Variants in DENND1B observed in about 807,000 individuals in gnomAD.
DENND1B encodes DENN domain containing 1B.
Under a neutral mutation model 90.1 loss-of-function variants are expected in DENND1B, and 59 were observed. That is an observed-to-expected ratio of 0.65 (90% confidence interval 0.53 to 0.81). The LOEUF is 0.81. DENND1B is among the 40% of genes least tolerant of loss of function. DENND1B has a pLI of 0.00. For synonymous variants in DENND1B, 337 were observed against 324.6 expected, an observed-to-expected ratio of 1.04 and a Z score of -0.41; for missense variants, 862 against 912.6, an observed-to-expected ratio of 0.94 and a Z score of 0.71.
At chr1:197,562,945 T>C (rs1672300226) in intron 15 of DENND1B, among the ~76,000 whole-genome samples, 1 of 151,886 alleles carries the variant, frequency 6.6e-6, no homozygotes, top group African/African-American at 2.4e-5. Flanking sequence ...AAACGAGCCA[T>C]GACATTCCCC....
At chr1:197,735,035 T>C in intron 2 of DENND1B, 1 of 985,474 alleles carries the variant, frequency 1.0e-6, no homozygotes, top group Non-Finnish European at 1.2e-6. Context: ...CCTACTTCTG[T>C]AGAAAAAGCG....
At chr1:197,739,386 G>A (rs1271030744) in intron 2 of DENND1B, among the ~76,000 whole-genome samples, 1 of 152,112 alleles carries the variant, frequency 6.6e-6, no homozygotes, top group African/African-American at 2.4e-5. Flanking sequence ...ATCATATAAT[G>A]CACCATAAAG....
intron 3 of DENND1B, chr1:197,688,619 A>G (rs953161991): frequency 1.3e-5 from 2 of 152,190 alleles, no homozygotes; most frequent in Admixed American, 6.6e-5. Flanking sequence ...GTCTACATGT[A>G]AAAGAATGAA....
At chr1:197,703,215 G>T (rs953852175) in intron 3 of DENND1B, among the ~76,000 whole-genome samples, 4 of 151,548 alleles carry the variant, frequency 2.6e-5, no homozygotes, top group Admixed American at 2.6e-4. Context: ...TCAAACTCCT[G>T]ACTTCAAGTG....
At chr1:197,753,034 T>C (rs1418733223) in intron 2 of DENND1B, among the ~76,000 whole-genome samples, 1 of 152,060 alleles carries the variant, frequency 6.6e-6, no homozygotes, top group Non-Finnish European at 1.5e-5. Flanking sequence ...CAGTCTATCA[T>C]TGACGGACAT....
chr1:197,743,484 T>C (rs1329777084), intron 2 of DENND1B, among the ~76,000 whole-genome samples: 1 of 152,214 alleles, frequency 6.6e-6, no homozygotes, highest in Admixed American at 6.5e-5. Context: ...ATCTTTTTTT[T>C]GGTGGAGGGT....
chr1:197,594,150 A>C (rs1177439922), intron 14 of DENND1B, among the ~76,000 whole-genome samples: 1 of 152,186 alleles, frequency 6.6e-6, no homozygotes, highest in African/African-American at 2.4e-5. Flanking sequence ...ACAAACAAGC[A>C]GCTGAACTTA....
chr1:197,617,742 A>T lies in DENND1B; in HGVS notation c.690T>A (p.His230Gln). 1.9e-6 allele frequency: 3 copies of T among 1,607,322 alleles called. No individual in the cohort carries two copies. Among genetic ancestry groups the T allele is most frequent in the Non-Finnish European group, 2.6e-6 (3 of 1,175,232 alleles). The change falls in exon 11 of 23, where the codon CAT (histidine) becomes CAA (glutamine). Residue 230 changes from histidine to glutamine, a missense_variant. By Grantham distance (24) the His-to-Gln change is conservative. Coordinates refer to ENST00000620048, the MANE Select transcript of DENND1B (RefSeq NM_001195215.2). The part of the protein sequence containing the change: ...SKLSTLTACI[H>Q]GSAALLYPMY... ...TTGGGTATAGAAGAGCAGCTGATCC[A>T]TGGATACAGGCAGTTAACTGAAATT...
intron 14 of DENND1B, among the ~76,000 whole-genome samples, chr1:197,586,434 C>G (rs1049707238): frequency 6.6e-6 from 1 of 151,264 alleles, no homozygotes; most frequent in Non-Finnish European, 1.5e-5. Context: ...ATACATATAC[C>G]TCACATAAAT....
chr1:197,552,575 T>C, intron 16 of DENND1B: 4 of 986,828 alleles, frequency 4.1e-6, no homozygotes, highest in East Asian at 1.1e-4. Context: ...ATAATAATAA[T>C]ACAGTTACTT....
chr1:197,689,112 A>G (rs1424874912), intron 3 of DENND1B: 2 of 168,698 alleles, frequency 1.2e-5, no homozygotes, highest in African/African-American at 4.8e-5. Flanking sequence ...CACACTGCTG[A>G]TAAAGACATA....
Position 197,541,082 on chromosome 1 carries a change from A to G in DENND1B, c.1351-67T>C, listed in dbSNP as rs1032856686. ...ATTACCATTTAAAGAATAAGTATAC[A>G]AGATCAAATTTAATGACAATTACTA... On this transcript the variant is annotated intron_variant, in intron 18 of 22. Transcript: ENST00000620048. 23 of 1,344,894 alleles carry G rather than the reference A, an allele frequency of 1.7e-5. No individual in the cohort carries two copies. The Admixed American group carries it at 4.6e-4, about 27-fold the overall frequency. The allele number at this position is 1,344,894 out of a possible 1,614,324, so 83.3% of individuals were successfully genotyped here. A position where few individuals can be genotyped will look rare whatever the true frequency, so the allele number is the denominator to read the frequency against.
At chr1:197,579,111 C>T (rs1673963355) in intron 15 of DENND1B, among the ~76,000 whole-genome samples, 1 of 152,120 alleles carries the variant, frequency 6.6e-6, no homozygotes. Flanking sequence ...TATTTATAGT[C>T]AAATGATTAG....
intron 2 of DENND1B, among the ~76,000 whole-genome samples, chr1:197,752,592 G>A (rs1653702283): frequency 6.6e-6 from 1 of 151,850 alleles, no homozygotes. Context: ...GAGTTTAGTA[G>A]CTCTTTGGCA....
rs1176233198 is a variant in DENND1B at position 197,701,345 on chromosome 1, C to T, written c.126+13686G>A. ...AACACAGGAACAGAAAACCAAACAC[C>T]GTATTTTCTCACTTATAAGTGGGAG... On this transcript the variant is annotated intron_variant, in intron 3 of 22. Transcript: ENST00000620048. Among the ~76,000 whole-genome samples the T allele has an allele frequency of 1.3e-5, 2 of 152,084 alleles. 1 individual carries two copies. Among genetic ancestry groups the T allele is most frequent in the East Asian group, 3.9e-4 (2 of 5,184 alleles).
At chr1:197,630,538 A>G (rs1679235505) in intron 10 of DENND1B, among the ~76,000 whole-genome samples, 1 of 152,172 alleles carries the variant, frequency 6.6e-6, no homozygotes, top group Non-Finnish European at 1.5e-5. Flanking sequence ...TAGGGGACAC[A>G]GTCAGACCAT....
intron 15 of DENND1B, among the ~76,000 whole-genome samples, chr1:197,556,972 G>A (rs1671773070): frequency 6.6e-6 from 1 of 151,734 alleles, no homozygotes; most frequent in African/African-American, 2.4e-5. Context: ...TGGAAAGACG[G>A]AAGTACACTT....
chr1:197,742,215 G>C (rs1222670350), intron 2 of DENND1B, among the ~76,000 whole-genome samples: 3 of 151,988 alleles, frequency 2.0e-5, no homozygotes, highest in Non-Finnish European at 4.4e-5. Context: ...TGTTTACCTA[G>C]AGGTAAATAA....
chr1:197,552,843 G>A, intron 16 of DENND1B, 179 bp downstream of exon 16: 7 of 1,363,210 alleles, frequency 5.1e-6, no homozygotes, highest in Non-Finnish European at 5.6e-6. Context: ...TGAGTAACAG[G>A]TATCAGGCAA....
Sources: allele counts gnomAD v4.1 joint callset (sites outside exome capture counted in the v4.1 genomes callset), GRCh38; gene constraint gnomAD v4.1.1; transcripts MANE v1.5; gene names NCBI Gene and HGNC (gene_info 2026-07-23, HGNC 2026-07-21).